Variants in MYO3B observed in about 807,000 individuals in gnomAD.
The protein encoded by MYO3B is myosin-IIIb.
MYO3B carries 156 observed loss-of-function variants against 174.6 expected under a neutral mutation model. That is an observed-to-expected ratio of 0.89 (90% CI 0.78 to 1.02). MYO3B has a LOEUF of 1.02. Ranked by LOEUF, MYO3B falls within the 50% of genes least tolerant of loss-of-function variation. The pLI, the probability that MYO3B is intolerant of heterozygous loss-of-function variation, is 0.00. For missense variants in MYO3B, 1,632 were observed against 1,639.4 expected (o/e 1.00, Z 0.08); for synonymous variants, 563 against 569.1 (o/e 0.99, Z 0.15).
chr2:170,577,250 G>T (rs1253210241), intron 32 of MYO3B, among the ~76,000 whole-genome samples: 2 of 152,218 alleles, frequency 1.3e-5, no homozygotes, highest in African/African-American at 4.8e-5. Context: ...AAAATCCAGA[G>T]TGGATCGATT....
At chr2:170,297,864 A>G (rs1349543096) in intron 7 of MYO3B, among the ~76,000 whole-genome samples, 1 of 152,184 alleles carries the variant, frequency 6.6e-6, no homozygotes, top group East Asian at 1.9e-4. Flanking sequence ...TACTATAGGA[A>G]TAGCTGCAAA....
chr2:170,276,714 G>T (rs1480953819), intron 7 of MYO3B, among the ~76,000 whole-genome samples: 1 of 152,072 alleles, frequency 6.6e-6, no homozygotes, highest in Non-Finnish European at 1.5e-5. Flanking sequence ...AATATAATCA[G>T]TTACCTTTCT....
chr2:170,296,491 C>G (rs1213991414), intron 7 of MYO3B, among the ~76,000 whole-genome samples: 2 of 152,126 alleles, frequency 1.3e-5, no homozygotes, highest in African/African-American at 4.8e-5. Context: ...ATAGAAGGTT[C>G]TTGTTAACCA....
At chr2:170,494,804 A>G (rs1422743679) in intron 25 of MYO3B, among the ~76,000 whole-genome samples, 1 of 151,808 alleles carries the variant, frequency 6.6e-6, no homozygotes, top group Non-Finnish European at 1.5e-5. Context: ...TTGACATTGT[A>G]TGCAATGTGT....
At chr2:170,219,469 C>T (rs1008649014) in intron 6 of MYO3B, among the ~76,000 whole-genome samples, 5 of 152,084 alleles carry the variant, frequency 3.3e-5, no homozygotes, top group Admixed American at 1.3e-4. Flanking sequence ...CATGGCAAAA[C>T]CCCATCTCTA....
intron 22 of MYO3B, among the ~76,000 whole-genome samples, chr2:170,437,248 C>G (rs1032170389): frequency 2.7e-5 from 4 of 148,294 alleles, no homozygotes; most frequent in African/African-American, 1.1e-4. Context: ...TTTCTCCTTA[C>G]GTGCAGAGAG....
intron 32 of MYO3B, among the ~76,000 whole-genome samples, chr2:170,584,689 G>A (rs891324484): frequency 6.6e-6 from 1 of 152,196 alleles, no homozygotes; most frequent in Admixed American, 6.5e-5. Flanking sequence ...TTATTGATCT[G>A]TAACTTGATT....
intron 32 of MYO3B, among the ~76,000 whole-genome samples, chr2:170,586,055 C>T (rs764094687): frequency 1.8e-4 from 28 of 152,162 alleles, no homozygotes; most frequent in Admixed American, 1.1e-3. Flanking sequence ...AAAAATCACA[C>T]AAGTGTTTGT....
At position 170,401,473 on chromosome 2, in the gene MYO3B, T is replaced by C. The variant is rs1362153765; in HGVS notation, c.1919-8T>C. 6.2e-7 allele frequency: 1 copy of C among 1,613,806 alleles called. No individual in the cohort carries two copies. Among genetic ancestry groups the C allele is most frequent in the Admixed American group, 1.7e-5 (1 of 60,030 alleles). ...TACATTCTGTGTTATCCTTACTCTT[T>C]GTTTCAGCTGCCTCTGTTCTGTGCA... On this transcript the variant is annotated splice_polypyrimidine_tract_variant and splice_region_variant and intron_variant, in intron 17 of 34. Transcript: ENST00000408978.
At chr2:170,626,402 C>T (rs189668800) in intron 32 of MYO3B, among the ~76,000 whole-genome samples, 28 of 152,180 alleles carry the variant, frequency 1.8e-4, no homozygotes, top group East Asian at 5.8e-4. Context: ...TCCATTTGCT[C>T]GGTAGATCTG....
At chr2:170,181,774 C>A (rs962443592) in intron 1 of MYO3B, among the ~76,000 whole-genome samples, 1 of 152,074 alleles carries the variant, frequency 6.6e-6, no homozygotes, top group African/African-American at 2.4e-5. Flanking sequence ...TAAATGCCTA[C>A]CAGTAGAATT....
chr2:170,276,671 G>A (rs1438078895), intron 7 of MYO3B, among the ~76,000 whole-genome samples: 3 of 152,124 alleles, frequency 2.0e-5, no homozygotes, highest in Non-Finnish European at 2.9e-5. Flanking sequence ...TTTGTATTTG[G>A]TCCTTCACAG....
intron 14 of MYO3B, among the ~76,000 whole-genome samples, chr2:170,390,697 GTCC>G (rs2094405725): frequency 6.6e-6 from 1 of 152,184 alleles, no homozygotes; most frequent in Non-Finnish European, 1.5e-5. Flanking sequence ...AGAAGAGACT[GTCC>G]TCCTCCAGAG....
At chr2:170,381,141 A>ATAAAATTT (rs1289310810) in intron 9 of MYO3B, among the ~76,000 whole-genome samples, 4 of 152,026 alleles carry the variant, frequency 2.6e-5, no homozygotes, top group Admixed American at 6.6e-5. Context: ...AAATAAATAA[A>ATAAAATTT]TAAAATTTTA....
intron 30 of MYO3B, among the ~76,000 whole-genome samples, chr2:170,538,569 G>C (rs1342342749): frequency 6.6e-6 from 1 of 152,198 alleles, no homozygotes; most frequent in African/African-American, 2.4e-5. Context: ...TCAGGAGCCA[G>C]CCTTCACCTT....
intron 7 of MYO3B, among the ~76,000 whole-genome samples, chr2:170,266,284 C>T (rs1259417134): frequency 2.0e-5 from 3 of 152,082 alleles, no homozygotes; most frequent in African/African-American, 4.8e-5. Context: ...GAGTGCCTAC[C>T]TTGCCCATAA....
intron 25 of MYO3B, among the ~76,000 whole-genome samples, chr2:170,483,953 C>T (rs1339562216): frequency 6.6e-6 from 1 of 152,164 alleles, no homozygotes; most frequent in Admixed American, 6.5e-5. Flanking sequence ...GAGCAGTTGT[C>T]CTCTTAGCCG....
intron 25 of MYO3B, among the ~76,000 whole-genome samples, chr2:170,485,452 G>C (rs1685990577): frequency 6.6e-6 from 1 of 151,410 alleles, no homozygotes; most frequent in Non-Finnish European, 1.5e-5. Context: ...GAGCGAGTGA[G>C]TTAGAGGAAG....
At chr2:170,352,927 G>A (rs576734830) in intron 8 of MYO3B, among the ~76,000 whole-genome samples, 1 of 152,182 alleles carries the variant, frequency 6.6e-6, no homozygotes, top group East Asian at 1.9e-4. Flanking sequence ...CAAGGATGTG[G>A]AGCAAAAGGA....
Sources: gnomAD v4.1 joint callset for allele counts (sites outside exome capture counted in the v4.1 genomes callset) on GRCh38, gnomAD v4.1.1 for gene constraint, MANE v1.5 for transcripts, NCBI Gene and HGNC (gene_info 2026-07-23, HGNC 2026-07-21) for gene names.